CDH12: variants seen among roughly 807,000 people sequenced by gnomAD.
The protein encoded by CDH12 is cadherin 12.
CDH12 carries 41 observed loss-of-function variants against 74.1 expected under a neutral mutation model. The ratio of observed to expected loss-of-function variants is 0.55; its 90% CI spans 0.43 to 0.72. CDH12 has a LOEUF of 0.72. Ranked by LOEUF, CDH12 falls within the 30% of genes least tolerant of loss-of-function variation. The pLI is 0.00. For missense variants in CDH12, 945 were observed against 977.2 expected, an observed-to-expected ratio of 0.97 and a Z score of 0.44; for synonymous variants, 399 against 355.0, an observed-to-expected ratio of 1.12 and a Z score of -1.39.
chr5:21,817,433 A>G (rs1236788565), intron 8 of CDH12, among the ~76,000 whole-genome samples: 2 of 152,042 alleles, frequency 1.3e-5, no homozygotes, highest in Non-Finnish European at 2.9e-5. Flanking sequence ...TGTACCACAT[A>G]TCAAATGGGA....
At chr5:22,223,098 C>G (rs1489019163) in intron 3 of CDH12, among the ~76,000 whole-genome samples, 1 of 151,924 alleles carries the variant, frequency 6.6e-6, no homozygotes, top group Non-Finnish European at 1.5e-5. Flanking sequence ...CTAAGGGTCT[C>G]TATAAAGACT....
intron 4 of CDH12, among the ~76,000 whole-genome samples, chr5:22,190,327 C>A (rs1750195569): frequency 6.6e-6 from 1 of 151,654 alleles, no homozygotes; most frequent in Admixed American, 6.6e-5. Context: ...GAACTCATTT[C>A]AATTTAATTC....
chr5:22,465,891 A>G (rs966199329), intron 2 of CDH12, among the ~76,000 whole-genome samples: 1 of 152,128 alleles, frequency 6.6e-6, no homozygotes, highest in African/African-American at 2.4e-5. Context: ...CTGCATCTAC[A>G]TATGTCTACC....
chr5:22,363,267 C>T (rs1453628428), intron 3 of CDH12, among the ~76,000 whole-genome samples: 2 of 152,002 alleles, frequency 1.3e-5, no homozygotes, highest in African/African-American at 2.4e-5. Context: ...TTAAATTTAT[C>T]ATTATGCAAA....
intron 1 of CDH12, among the ~76,000 whole-genome samples, chr5:22,621,367 G>T (rs1413388690): frequency 1.3e-5 from 2 of 152,138 alleles, no homozygotes; most frequent in Admixed American, 6.6e-5. Context: ...GGGTGCTGTT[G>T]TTCTGCCTAG....
At chr5:22,491,170 C>A (rs1407376372) in intron 2 of CDH12, among the ~76,000 whole-genome samples, 1 of 152,098 alleles carries the variant, frequency 6.6e-6, no homozygotes, top group East Asian at 1.9e-4. Flanking sequence ...AATACAATCC[C>A]CAATGTTTAT....
chr5:22,633,093 T>C (rs896226933), intron 1 of CDH12, among the ~76,000 whole-genome samples: 1 of 152,120 alleles, frequency 6.6e-6, no homozygotes, highest in Non-Finnish European at 1.5e-5. Context: ...AACAATGTTA[T>C]ATCCAGTAAA....
At chr5:21,857,173 A>G (rs1272373819) in intron 6 of CDH12, among the ~76,000 whole-genome samples, 4 of 151,870 alleles carry the variant, frequency 2.6e-5, no homozygotes, top group Non-Finnish European at 4.4e-5. Flanking sequence ...ACACTATTAA[A>G]CACTAAATAC....
At chr5:22,590,291 A>G (rs997396371) in intron 1 of CDH12, among the ~76,000 whole-genome samples, 2 of 152,146 alleles carry the variant, frequency 1.3e-5, no homozygotes, top group Admixed American at 1.3e-4. Flanking sequence ...ATGAAAGCAA[A>G]AAGAAAAAGA....
At chr5:21,920,710 A>G (rs1754316299) in intron 6 of CDH12, among the ~76,000 whole-genome samples, 1 of 130,622 alleles carries the variant, frequency 7.7e-6, no homozygotes, top group African/African-American at 2.6e-5. Context: ...CAATATAGCC[A>G]TTTTGTGACT....
intron 5 of CDH12, among the ~76,000 whole-genome samples, chr5:21,991,224 A>G (rs1163700378): frequency 6.6e-6 from 1 of 151,804 alleles, no homozygotes; most frequent in African/African-American, 2.4e-5. Flanking sequence ...ATGGTTGTGC[A>G]CATTGTGCCA....
intron 1 of CDH12, among the ~76,000 whole-genome samples, chr5:22,684,560 G>A (rs1741660538): frequency 6.6e-6 from 1 of 152,120 alleles, no homozygotes; most frequent in South Asian, 2.1e-4. Flanking sequence ...ATAATTCCAG[G>A]TAAAGCATAA....
chr5:22,363,608 A>T (rs1290045799), intron 3 of CDH12, among the ~76,000 whole-genome samples: 2 of 152,214 alleles, frequency 1.3e-5, no homozygotes, highest in Non-Finnish European at 2.9e-5. Context: ...TTCTCCAATG[A>T]TATATGTCCT....
intron 7 of CDH12, among the ~76,000 whole-genome samples, chr5:21,850,363 T>C (rs1275298498): frequency 6.6e-6 from 1 of 151,438 alleles, no homozygotes; most frequent in Non-Finnish European, 1.5e-5. Flanking sequence ...ATGATGGGTA[T>C]GTTAATTTGT....
At chr5:22,545,647 A>G (rs1190350947) in intron 1 of CDH12, among the ~76,000 whole-genome samples, 1 of 152,218 alleles carries the variant, frequency 6.6e-6, no homozygotes, top group East Asian at 1.9e-4. Flanking sequence ...TAGATGGCAT[A>G]TGTATAATCA....
chr5:22,283,997 A>G (rs1447558577), intron 3 of CDH12, among the ~76,000 whole-genome samples: 1 of 152,168 alleles, frequency 6.6e-6, no homozygotes, highest in African/African-American at 2.4e-5. Flanking sequence ...AAATAAAAGC[A>G]GCTGTCAATT....
At position 22,736,698 on chromosome 5, in the gene CDH12, T is replaced by C. The variant is rs914294842; in HGVS notation, c.-523+116360A>G. On this transcript the variant is annotated intron_variant, in intron 1 of 14. Transcript: ENST00000382254. ...TTAGGAAAAAACTGGCAATACAACC[T>C]GAAGGCTGAAAGTTTAAACACACAC... Among the ~76,000 whole-genome samples the C allele has an allele frequency of 1.3e-4, 20 of 151,862 alleles. 1 individual carries two copies. Among genetic ancestry groups the C allele is most frequent in the African/African-American group, 4.6e-4 (19 of 41,496 alleles).
At chr5:22,687,567 C>A (rs1179324266) in intron 1 of CDH12, among the ~76,000 whole-genome samples, 1 of 151,954 alleles carries the variant, frequency 6.6e-6, no homozygotes, top group Non-Finnish European at 1.5e-5. Context: ...GCCACCAATG[C>A]CCAGGACATA....
chr5:22,134,294 G>A (rs1245675970), intron 4 of CDH12, among the ~76,000 whole-genome samples: 1 of 152,060 alleles, frequency 6.6e-6, no homozygotes, highest in African/African-American at 2.4e-5. Flanking sequence ...TTGAGCTATG[G>A]GCTATTAGCT....
Sources: gnomAD v4.1 joint callset for allele counts (sites outside exome capture counted in the v4.1 genomes callset) on GRCh38, gnomAD v4.1.1 for gene constraint, MANE v1.5 for transcripts, NCBI Gene and HGNC (gene_info 2026-07-23, HGNC 2026-07-21) for gene names.